Variants in TTC13 observed in about 807,000 individuals in gnomAD.
The protein encoded by TTC13 is tetratricopeptide repeat protein 13.
TTC13 carries 62 observed loss-of-function variants against 120.0 expected under a neutral mutation model. The observed-to-expected ratio is 0.52, with a 90% CI of 0.42 to 0.64. The LOEUF is 0.64. Among genes scored for constraint, TTC13 ranks in the 30% least tolerant of loss-of-function variants. The pLI is 0.00. For synonymous variants in TTC13, 384 were observed against 393.5 expected (o/e 0.98, Z 0.28); for missense variants, 824 against 1,050.2 (o/e 0.78, Z 2.98).
intron 4 of TTC13, among the ~76,000 whole-genome samples, chr1:230,951,729 C>T (rs1430366466): frequency 6.6e-6 from 1 of 151,280 alleles, no homozygotes; most frequent in African/African-American, 2.4e-5. Flanking sequence ...TATCACTACA[C>T]TTGCCAACAA....
chr1:230,936,015 T>G (rs1026693745), intron 8 of TTC13: 2 of 357,556 alleles, frequency 5.6e-6, no homozygotes, highest in Admixed American at 7.5e-5. Flanking sequence ...ATTAACCAAG[T>G]AAGGAAGTAC....
chr1:230,917,183 C>T (rs1435813286), intron 17 of TTC13, among the ~76,000 whole-genome samples: 4 of 151,962 alleles, frequency 2.6e-5, no homozygotes, highest in South Asian at 4.2e-4. Context: ...GCATCTTTCA[C>T]GCCAAAAAAA....
intron 12 of TTC13, among the ~76,000 whole-genome samples, 169 bp downstream of exon 12, chr1:230,928,768 C>T (rs1441366757): frequency 6.6e-6 from 1 of 151,986 alleles, no homozygotes. Context: ...TGCTGTAGTG[C>T]GATGGATGGA....
At chr1:230,971,554 C>G (rs1677754269) in intron 1 of TTC13, among the ~76,000 whole-genome samples, 1 of 152,080 alleles carries the variant, frequency 6.6e-6, no homozygotes, top group Non-Finnish European at 1.5e-5. Context: ...AAAATAGACA[C>G]TGCCTGCTGA....
In TTC13 at chr1:230,957,272, AC is replaced by A. The variant is rs1325278607; in HGVS notation, c.442+951del. On this transcript the variant is annotated intron_variant, in intron 3 of 22. Coordinates refer to ENST00000366661, the MANE Select transcript of TTC13 (RefSeq NM_024525.5). ...GGCAACATGGTGAGTACTGGTCTCT[AC>A]AAAACAATTTTAAAAAATTAGCCAG... Among the ~76,000 whole-genome samples, 3 of 152,174 alleles carry A rather than the reference AC, an allele frequency of 2.0e-5. No homozygotes were observed. The East Asian group carries it at 5.8e-4, about 29-fold the overall frequency.
intron 1 of TTC13, among the ~76,000 whole-genome samples, chr1:230,975,909 T>C (rs1678258959): frequency 6.6e-6 from 1 of 152,192 alleles, no homozygotes; most frequent in Non-Finnish European, 1.5e-5. Flanking sequence ...TGCTAGTGTG[T>C]TGTCTTTGGA....
intron 19 of TTC13, among the ~76,000 whole-genome samples, chr1:230,912,014 A>C (rs1007574584): frequency 2.6e-5 from 4 of 152,176 alleles, no homozygotes; most frequent in African/African-American, 9.7e-5. Flanking sequence ...TGCAGTGATT[A>C]AATGTTGGAG....
chr1:230,919,462 T>A (rs1330913736), intron 17 of TTC13, among the ~76,000 whole-genome samples: 1 of 152,164 alleles, frequency 6.6e-6, no homozygotes, highest in Non-Finnish European at 1.5e-5. Flanking sequence ...CCTGTTAGGC[T>A]CCACCTCCCA....
chr1:230,978,806 A>T lies in TTC13; in HGVS notation c.25T>A (p.Cys9Ser), dbSNP rs1010531174. 1.2e-5 allele frequency: 18 copies of T among 1,493,718 alleles called. No individual in the cohort carries two copies. In the African/African-American group the frequency reaches 2.3e-4, roughly 19 times the overall value. The allele number at this position is 1,493,718 out of a possible 1,614,324, so 92.5% of individuals were successfully genotyped here. Reference sequence around the variant, plus strand: ...ACAGCGCCGCCCCAGAAGCAGCAGCAGCAGCAGCAGCCGGCAGGTGCCATC... The same window carrying T: ...ACAGCGCCGCCCCAGAAGCAGCAGCTGCAGCAGCAGCCGGCAGGTGCCATC... The part of the protein sequence containing the change: MAPAGCCC[C>S]CCFWGGAVAA... Residue 9 changes from cysteine (C) to serine (S), a missense_variant, in exon 1 of 23, where the codon TGC becomes AGC. This residue lies in a region of TTC13 where 160 missense variants were observed against 137.2 expected (regional missense o/e 1.17). Transcript: ENST00000366661. This position sits in a 1 kb window ranked among gnomAD's most constrained non-coding sequence, Gnocchi z 5.6.
intron 1 of TTC13, among the ~76,000 whole-genome samples, chr1:230,962,777 C>T (rs1572281994): frequency 6.6e-6 from 1 of 152,178 alleles, no homozygotes; most frequent in Non-Finnish European, 1.5e-5. Context: ...ACTACTGATA[C>T]ACACTGCAAC....
At chr1:230,967,807 A>G (rs915389012) in intron 1 of TTC13, among the ~76,000 whole-genome samples, 1 of 152,240 alleles carries the variant, frequency 6.6e-6, no homozygotes, top group Non-Finnish European at 1.5e-5. Flanking sequence ...ATAATAAATA[A>G]TTACAGCCCA....
In TTC13 at chr1:230,940,933, T is replaced by C. The variant is rs1674484965; in HGVS notation, c.673-377A>G. On this transcript the variant is annotated intron_variant, in intron 6 of 22. Coordinates refer to ENST00000366661, the MANE Select transcript of TTC13 (RefSeq NM_024525.5). The surrounding 1 kb of genome is among the most constrained non-coding windows in gnomAD (Gnocchi z 4.1). ...TAACCTGAAAGATAACTTTGAACCATTAAAATAGACAAATTATCGGACACA... is the reference window on the plus strand; with the variant it reads ...TAACCTGAAAGATAACTTTGAACCACTAAAATAGACAAATTATCGGACACA... Among the ~76,000 whole-genome samples, 1 of 152,218 alleles carries C rather than the reference T, an allele frequency of 6.6e-6. No individual in the cohort carries two copies. Among genetic ancestry groups the C allele is most frequent in the Admixed American group, 6.5e-5 (1 of 15,288 alleles).
chr1:230,943,671 G>T, intron 6 of TTC13, 135 bp downstream of exon 6: 1 of 594,538 alleles, frequency 1.7e-6, no homozygotes. Flanking sequence ...CATGCTTAAA[G>T]GCATTAAGTA....
At chr1:230,945,520 G>T in intron 4 of TTC13, 66 bp from the exon 5 acceptor site, 1 of 1,477,410 alleles carries the variant, frequency 6.8e-7, no homozygotes, top group Non-Finnish European at 9.5e-7. Flanking sequence ...ATCAGTTTCT[G>T]CTTAAAGCAC....
chr1:230,958,398 C>T (rs1425209502), intron 2 of TTC13, 99 bp from the exon 3 acceptor site: 1 of 1,371,482 alleles, frequency 7.3e-7, no homozygotes, highest in Admixed American at 2.7e-5. Context: ...ATTAAGGCTA[C>T]ATTTGATTTA....
chr1:230,915,393 C>T (rs1558166765), intron 18 of TTC13, among the ~76,000 whole-genome samples: 2 of 152,082 alleles, frequency 1.3e-5, no homozygotes, highest in African/African-American at 4.8e-5. Flanking sequence ...AAGGCAATTC[C>T]ACCCACAATT....
chr1:230,947,366 G>A lies in TTC13; in HGVS notation c.514-1912C>T, dbSNP rs556407861. On this transcript the variant is annotated intron_variant, in intron 4 of 22. Transcript: ENST00000366661. The stretch of plus-strand genomic sequence containing the variant: ...AAGACTGGCGTCATGCTTTTCTGTA[G>A]CAAAAAAGCCAGAAGACAGAACAGT... 4.6e-5 allele frequency among the ~76,000 whole-genome samples: 7 copies of A among 152,216 alleles called. No homozygotes were observed. The South Asian group carries it at 1.5e-3, about 32-fold the overall frequency.
rs557355878 is a variant in TTC13, at chr1:230,931,772, G to A, written c.1089C>T (p.His363=). The A allele has an allele frequency of 6.2e-7, 1 of 1,614,126 alleles. No homozygotes were observed. The highest frequency in any genetic ancestry group is 8.5e-7 in the Non-Finnish European group (1 of 1,180,012). Residue 363 remains histidine (H), a synonymous_variant, in exon 10 of 23, where the codon CAC becomes CAT. Coordinates refer to ENST00000366661, the MANE Select transcript of TTC13 (RefSeq NM_024525.5). The part of the protein sequence containing the change: ...TLQLRGMMLY[H]HGSLQEALKN... ...TAAGGGCTTCCTGTAAGCTGCCGTG[G>A]TGGTAGAGCATCATTCCCCGGAGCT...
At chr1:230,973,186 G>C (rs762668632) in intron 1 of TTC13, among the ~76,000 whole-genome samples, 1 of 152,088 alleles carries the variant, frequency 6.6e-6, no homozygotes, top group Non-Finnish European at 1.5e-5. Context: ...CTTCCTCATA[G>C]AGCAAAAAAG....
Sources: gnomAD v4.1 joint callset for allele counts (sites outside exome capture counted in the v4.1 genomes callset) on GRCh38, gnomAD v4.1.1 for gene constraint, gnomAD v4.1.1 regional missense constraint, Gnocchi (gnomAD v3.1) non-coding constraint, MANE v1.5 for transcripts, NCBI Gene and HGNC (gene_info 2026-07-23, HGNC 2026-07-21) for gene names.